Variants in FER1L6 observed in about 807,000 individuals in gnomAD.
FER1L6 encodes fer-1-like protein 6.
FER1L6 carries 177 observed loss-of-function variants against 219.2 expected under a neutral mutation model. The ratio of observed to expected loss-of-function variants is 0.81; its 90% CI spans 0.71 to 0.91. The LOEUF is 0.91. FER1L6 is among the 40% of genes least tolerant of loss of function. The probability of loss-of-function intolerance (pLI) is 0.00; values close to 1 mark genes in which losing one functional copy is unlikely to be tolerated. For synonymous variants in FER1L6, 768 were observed against 824.3 expected (o/e 0.93, Z 1.17); for missense variants, 2,153 against 2,259.9 (o/e 0.95, Z 0.96).
chr8:123,912,760 G>C (rs752537238), intron 1 of FER1L6, among the ~76,000 whole-genome samples: 3 of 152,260 alleles, frequency 2.0e-5, no homozygotes, highest in Non-Finnish European at 2.9e-5. Context: ...AGTCACTGTG[G>C]TCAAGGTTAA....
chr8:123,972,463 A>G (rs888950129), intron 6 of FER1L6, among the ~76,000 whole-genome samples: 1 of 152,256 alleles, frequency 6.6e-6, no homozygotes, highest in Non-Finnish European at 1.5e-5. Context: ...GGAAGCTCAG[A>G]GGACATCTTG....
chr8:123,892,627 T>G (rs1239452535), intron 1 of FER1L6, among the ~76,000 whole-genome samples: 4 of 152,192 alleles, frequency 2.6e-5, no homozygotes, highest in Non-Finnish European at 5.9e-5. Flanking sequence ...GCTATCTCTA[T>G]TCATTGTTTG....
chr8:124,007,313 C>T (rs7837731), intron 13 of FER1L6, among the ~76,000 whole-genome samples: 101,018 of 151,236 alleles, frequency 0.67, 34,338 homozygotes, highest in South Asian at 0.8. Context: ...CCCCCCCTAC[C>T]TTCTAGAGGC....
intron 1 of FER1L6, among the ~76,000 whole-genome samples, chr8:123,856,349 T>TATGTATGTGTATATATATA (rs71289618): frequency 7.4e-6 from 1 of 134,516 alleles, no homozygotes; most frequent in Non-Finnish European, 1.6e-5. Context: ...TATATATATA[T>TATGTATGTGTATATATATA]TAGGGTCCAG....
chr8:124,115,661 A>G (rs1823215923), intron 39 of FER1L6, among the ~76,000 whole-genome samples: 1 of 152,238 alleles, frequency 6.6e-6, no homozygotes, highest in African/African-American at 2.4e-5. Flanking sequence ...AACAACTACC[A>G]TAGTTAAAGG....
chr8:124,049,134 A>G (rs951157362), intron 21 of FER1L6, among the ~76,000 whole-genome samples: 39 of 150,626 alleles, frequency 2.6e-4, no homozygotes, highest in African/African-American at 9.3e-4. Context: ...TGCAACCTCC[A>G]CATCCCGGGT....
intron 1 of FER1L6, among the ~76,000 whole-genome samples, chr8:123,930,532 A>G (rs1342086029): frequency 2.0e-5 from 3 of 152,210 alleles, no homozygotes; most frequent in Non-Finnish European, 4.4e-5. Context: ...GCAGGACTTA[A>G]TGGTGAGCAC....
chr8:123,975,040 T>G, intron 7 of FER1L6, 110 bp from the exon 8 acceptor site: 1 of 995,224 alleles, frequency 1.0e-6, no homozygotes. Flanking sequence ...ATTTACCACC[T>G]AGAGCAACAG....
rs557286557 is a variant in FER1L6, at chr8:123,894,243, G to T, written c.-8+42058G>T. On this transcript the variant is annotated intron_variant, in intron 1 of 40. Coordinates refer to ENST00000522917, the MANE Select transcript of FER1L6 (RefSeq NM_001039112.2). The stretch of plus-strand genomic sequence containing the variant: ...GCCACGCCCCTCATTCATCATGATT[G>T]CTTCCTTACCCTTTCCGAGTTCCTA... Among the ~76,000 whole-genome samples, 5 of 152,270 alleles carry T rather than the reference G, an allele frequency of 3.3e-5. No homozygotes were observed. In the South Asian group the frequency reaches 1.0e-3, roughly 32 times the overall value.
intron 18 of FER1L6, 58 bp downstream of exon 18, chr8:124,023,654 C>T: frequency 6.4e-7 from 1 of 1,570,972 alleles, no homozygotes; most frequent in Non-Finnish European, 8.7e-7. Flanking sequence ...TAGGGTGGCT[C>T]AGACTTTCTA....
Position 124,066,433 on chromosome 8 carries a change from C to A in FER1L6, c.3561C>A (p.Pro1187=). 6.2e-7 allele frequency: 1 copy of A among 1,613,642 alleles called. No individual in the cohort carries two copies. ...ATTCCCTCATCCCTTGCCAGGATCC[C>A]AGGAAGCCTTCCCGGAGGTCCACTA... ...EPPKDGKPKD[P]RKPSRRSTKR... is the part of the protein sequence containing the mutation. Residue 1187 remains proline (P), a synonymous_variant, in exon 27 of 41, where the codon CCC becomes CCA. Coordinates refer to ENST00000522917, the MANE Select transcript of FER1L6 (RefSeq NM_001039112.2).
intron 1 of FER1L6, among the ~76,000 whole-genome samples, chr8:123,895,680 T>C (rs1233269900): frequency 6.6e-6 from 1 of 151,996 alleles, no homozygotes; most frequent in Non-Finnish European, 1.5e-5. Flanking sequence ...AAAACTAAAG[T>C]AGGGAGTCCA....
intron 18 of FER1L6, among the ~76,000 whole-genome samples, chr8:124,034,120 T>C (rs927566266): frequency 1.3e-5 from 2 of 150,748 alleles, no homozygotes; most frequent in Non-Finnish European, 2.9e-5. Flanking sequence ...AATAGGATTT[T>C]GTGACTCTCA....
chr8:123,997,125 T>C (rs1053570970), intron 12 of FER1L6, among the ~76,000 whole-genome samples: 2 of 152,204 alleles, frequency 1.3e-5, no homozygotes, highest in African/African-American at 4.8e-5. Context: ...AGATGATTTC[T>C]TGTTGCTCAT....
At chr8:123,877,264 G>A (rs1053476075) in intron 1 of FER1L6, among the ~76,000 whole-genome samples, 6 of 152,174 alleles carry the variant, frequency 3.9e-5, no homozygotes, top group Admixed American at 3.9e-4. Context: ...AGAACTGTGA[G>A]GCTTCTTTTT....
chr8:123,952,516 A>G (rs1814816521), intron 1 of FER1L6, among the ~76,000 whole-genome samples: 1 of 152,114 alleles, frequency 6.6e-6, no homozygotes, highest in Non-Finnish European at 1.5e-5. Context: ...CTTGGGGATG[A>G]CCCTGGGAGG....
rs371008240 is a variant in FER1L6 at position 124,035,381 on chromosome 8, A to G, written c.2391A>G (p.Pro797=). 9.3e-6 allele frequency: 15 copies of G among 1,613,936 alleles called. No individual in the cohort carries two copies. The highest frequency in any genetic ancestry group is 3.3e-4 in the Middle Eastern group (2 of 6,040). The change falls in exon 19 of 41, where the codon CCA becomes CCG. Residue 797 remains proline (P), a synonymous_variant. Transcript: ENST00000522917. ...KHASAILDNL[P]VGYEAEMSSK... ...CCAGTGCCATTTTGGACAACTTGCC[A>G]GTAGGCTATGAAGCAGAAATGTCCT...
intron 38 of FER1L6, 27 bp downstream of exon 38, chr8:124,101,365 T>C (rs371758966): frequency 2.1e-5 from 33 of 1,600,328 alleles, no homozygotes; most frequent in Admixed American, 1.5e-4. Flanking sequence ...ATCAAGCACA[T>C]ATTAATGTTA....
intron 1 of FER1L6, among the ~76,000 whole-genome samples, chr8:123,869,746 G>A (rs1213347168): frequency 6.6e-6 from 1 of 152,184 alleles, no homozygotes; most frequent in Non-Finnish European, 1.5e-5. Context: ...CAATACTGAA[G>A]AGAAGCAAAG....
Sources: allele counts gnomAD v4.1 joint callset (sites outside exome capture counted in the v4.1 genomes callset), GRCh38; gene constraint gnomAD v4.1.1; transcripts MANE v1.5; gene names NCBI Gene and HGNC (gene_info 2026-07-23, HGNC 2026-07-21).